B3GALT1: variants seen among roughly 807,000 people sequenced by gnomAD.
B3GALT1 encodes the protein UDP-Gal:betaGlcNAc beta 1,3-galactosyltransferase, polypeptide 1.
Under a neutral mutation model 23.2 loss-of-function variants are expected in B3GALT1, and 10 were observed. The observed-to-expected ratio is 0.43, with a 90% CI of 0.27 to 0.73. The LOEUF is 0.73. Ranked by LOEUF, B3GALT1 falls within the 30% of genes least tolerant of loss-of-function variation. The probability of loss-of-function intolerance (pLI) is 0.21; values close to 1 mark genes in which losing one functional copy is unlikely to be tolerated. For missense variants in B3GALT1, 299 were observed against 405.4 expected (o/e 0.74, Z 2.25); for synonymous variants, 156 against 141.5 (o/e 1.10, Z -0.73).
intron 3 of B3GALT1, among the ~76,000 whole-genome samples, chr2:167,738,057 C>T (rs1243642006): frequency 6.6e-6 from 1 of 152,030 alleles, no homozygotes; most frequent in Non-Finnish European, 1.5e-5. Context: ...TTTTGCTCTT[C>T]CAGAGAAGCC....
intron 2 of B3GALT1, among the ~76,000 whole-genome samples, chr2:167,600,679 T>C (rs1684859081): frequency 6.6e-6 from 1 of 152,204 alleles, no homozygotes; most frequent in South Asian, 2.1e-4. Context: ...AGCATAATGT[T>C]TTCAAGGTTC....
At chr2:167,401,520 C>T (rs956436314) in intron 1 of B3GALT1, among the ~76,000 whole-genome samples, 2 of 152,088 alleles carry the variant, frequency 1.3e-5, no homozygotes, top group African/African-American at 2.4e-5. Context: ...CCTTGGGGTC[C>T]TCTTTCCCTA....
At chr2:167,807,133 T>G (rs1307705473) in intron 3 of B3GALT1, among the ~76,000 whole-genome samples, 1 of 152,222 alleles carries the variant, frequency 6.6e-6, no homozygotes, top group East Asian at 1.9e-4. Context: ...TGATGGTAGT[T>G]TGTATTTCTG....
At chr2:167,459,880 G>A (rs1197366350) in intron 1 of B3GALT1, among the ~76,000 whole-genome samples, 2 of 152,164 alleles carry the variant, frequency 1.3e-5, no homozygotes, top group East Asian at 3.9e-4. Context: ...TTGGTTGACA[G>A]GGTGTTTTTG....
chr2:167,837,558 A>T (rs545289721), intron 4 of B3GALT1, among the ~76,000 whole-genome samples: 1 of 149,926 alleles, frequency 6.7e-6, no homozygotes, highest in African/African-American at 2.5e-5. Flanking sequence ...AGAGACTTAG[A>T]CTCCCACACA....
intron 2 of B3GALT1, among the ~76,000 whole-genome samples, chr2:167,593,261 T>G (rs1684716036): frequency 6.6e-6 from 1 of 152,202 alleles, no homozygotes; most frequent in Admixed American, 6.5e-5. Context: ...ATGTGATATA[T>G]TATACAACAG....
intron 2 of B3GALT1, among the ~76,000 whole-genome samples, chr2:167,563,222 G>A (rs1286623050): frequency 1.3e-5 from 2 of 150,090 alleles, no homozygotes; most frequent in South Asian, 4.2e-4. Flanking sequence ...CCCAGCAGGT[G>A]CAGCCGGGCA....
intron 2 of B3GALT1, among the ~76,000 whole-genome samples, chr2:167,597,508 A>C (rs1684800064): frequency 6.6e-6 from 1 of 152,174 alleles, no homozygotes; most frequent in Non-Finnish European, 1.5e-5. Context: ...GTGTAAAATC[A>C]GAATGAAATA....
intron 2 of B3GALT1, among the ~76,000 whole-genome samples, chr2:167,560,599 G>A (rs956329593): frequency 6.6e-6 from 1 of 151,986 alleles, no homozygotes; most frequent in Non-Finnish European, 1.5e-5. Flanking sequence ...CAAAATAAAA[G>A]GATGGAGGAA....
At chr2:167,552,199 A>T (rs1227033081) in intron 2 of B3GALT1, among the ~76,000 whole-genome samples, 1 of 152,180 alleles carries the variant, frequency 6.6e-6, no homozygotes, top group Non-Finnish European at 1.5e-5. Flanking sequence ...TCGACCCTGC[A>T]TTGTCTCATC....
Position 167,819,965 on chromosome 2 carries a change from A to C in B3GALT1, c.-230+1172A>C, listed in dbSNP as rs1476695304. Among the ~76,000 whole-genome samples, 6 of 152,324 alleles carry C rather than the reference A, an allele frequency of 3.9e-5. No individual in the cohort carries two copies. In the South Asian group the frequency reaches 1.0e-3, roughly 26 times the overall value. On this transcript the variant is annotated intron_variant, in intron 4 of 4. Coordinates refer to ENST00000392690, the MANE Select transcript of B3GALT1 (RefSeq NM_020981.4). ...GTTTCAGCCCCTGACAGTGAGTCGC[A>C]AGAGGACCCTCTGATGAGGAGCAGT...
rs879675494 is a variant in B3GALT1 at position 167,577,623 on chromosome 2, AT to A, written c.-409-69278del. Among the ~76,000 whole-genome samples the A allele has an allele frequency of 9.4e-4, 142 of 151,562 alleles. 2 individuals carry two copies. The highest frequency in any genetic ancestry group is 7.6e-3 in the Admixed American group (115 of 15,200). ...TGAACAGGTTTCTTTCATAATGAAT[AT>A]TTTTTTTCCTGACTCACTGTACTTC... On this transcript the variant is annotated intron_variant, in intron 2 of 4. Transcript: ENST00000392690.
chr2:167,839,036 T>G (rs912751470), intron 4 of B3GALT1, among the ~76,000 whole-genome samples: 40 of 152,344 alleles, frequency 2.6e-4, no homozygotes, highest in African/African-American at 8.7e-4. Context: ...CTGAAAATAA[T>G]AAGAGCTATC....
intron 2 of B3GALT1, among the ~76,000 whole-genome samples, chr2:167,638,421 G>A (rs561568187): frequency 5.8e-4 from 89 of 152,156 alleles, no homozygotes; most frequent in African/African-American, 2.1e-3. Context: ...AAGCTTTAAT[G>A]CCCTTTGGCT....
chr2:167,766,058 G>C (rs1687972248), intron 3 of B3GALT1, among the ~76,000 whole-genome samples: 2 of 152,166 alleles, frequency 1.3e-5, no homozygotes, highest in Non-Finnish European at 2.9e-5. Flanking sequence ...TAAATTTACG[G>C]ATTGGATGCA....
chr2:167,480,656 C>T (rs1699552922), intron 1 of B3GALT1, among the ~76,000 whole-genome samples: 1 of 152,178 alleles, frequency 6.6e-6, no homozygotes. Context: ...CTATCTTAGG[C>T]CTTCTCTTTA....
At chr2:167,664,101 C>A (rs937689885) in intron 3 of B3GALT1, among the ~76,000 whole-genome samples, 4 of 150,744 alleles carry the variant, frequency 2.7e-5, no homozygotes, top group African/African-American at 7.4e-5. Flanking sequence ...TTAGGTCTAA[C>A]GTTTAAGTCT....
At chr2:167,860,433 GTTTA>G (rs1690076337) in intron 4 of B3GALT1, among the ~76,000 whole-genome samples, 1 of 151,718 alleles carries the variant, frequency 6.6e-6, no homozygotes, top group Non-Finnish European at 1.5e-5. Flanking sequence ...TTAATGTTGG[GTTTA>G]TTTTTTTTCA....
chr2:167,335,611 T>G (rs1851758), intron 1 of B3GALT1, among the ~76,000 whole-genome samples: 119,773 of 152,090 alleles, frequency 0.79, 49,407 homozygotes, highest in Non-Finnish European at 0.91. Flanking sequence ...AGACCATATA[T>G]GGTAACTTCC....
Sources: allele counts gnomAD v4.1 joint callset (sites outside exome capture counted in the v4.1 genomes callset), GRCh38; gene constraint gnomAD v4.1.1; transcripts MANE v1.5; gene names NCBI Gene and HGNC (gene_info 2026-07-23, HGNC 2026-07-21).